SPTB: variants seen among roughly 807,000 people sequenced by gnomAD.
SPTB encodes the protein spectrin beta chain, erythrocytic.
SPTB carries 45 observed loss-of-function variants against 256.2 expected under a neutral mutation model. That is an observed-to-expected ratio of 0.18 (90% confidence interval 0.14 to 0.23). SPTB has a LOEUF of 0.23. Ranked by LOEUF, SPTB falls within the 10% of genes least tolerant of loss-of-function variation. The probability of loss-of-function intolerance (pLI) is 1.00; values close to 1 mark genes in which losing one functional copy is unlikely to be tolerated. For missense variants in SPTB, 2,715 were observed against 3,040.4 expected (o/e 0.89, Z 2.52); for synonymous variants, 1,231 against 1,243.1 (o/e 0.99, Z 0.21).
chr14:64,846,085 A>T (rs2083686880), intron 1 of SPTB, among the ~76,000 whole-genome samples: 2 of 152,226 alleles, frequency 1.3e-5, no homozygotes, highest in Admixed American at 1.3e-4. Context: ...TGTGATCAGG[A>T]TGAAAGCAGA....
In SPTB at chr14:64,795,892, C is replaced by T. The variant is rs562258153; in HGVS notation, c.1342-253G>A. ...CCACCCGCGTGGGAGATGCAGCCTG[C>T]GTGTTACTAATGGAGCCCCTTGGCA... is the stretch of plus-strand genomic sequence containing the variant. On this transcript the variant is annotated intron_variant, in intron 11 of 35. Coordinates refer to ENST00000644917, the MANE Select transcript of SPTB (RefSeq NM_001355436.2). This position sits in a 1 kb window ranked among gnomAD's most constrained non-coding sequence, Gnocchi z 6.5. Among the ~76,000 whole-genome samples the T allele has an allele frequency of 6.6e-6, 1 of 152,308 alleles. No individual in the cohort carries two copies. Among genetic ancestry groups the T allele is most frequent in the Admixed American group, 6.5e-5 (1 of 15,302 alleles).
At chr14:64,791,258 A>G (rs1177229395) in intron 15 of SPTB, among the ~76,000 whole-genome samples, 2 of 151,978 alleles carry the variant, frequency 1.3e-5, no homozygotes, top group African/African-American at 4.8e-5. Flanking sequence ...TGGGAAGGGG[A>G]CTGTGGCTGA....
Position 64,785,612 on chromosome 14 carries a change from G to T in SPTB, c.3780C>A (p.Asn1260Lys). 1 of 1,614,128 alleles carries T rather than the reference G, an allele frequency of 6.2e-7. No homozygotes were observed. Among genetic ancestry groups the T allele is most frequent in the South Asian group, 1.1e-5 (1 of 91,084 alleles). The change falls in exon 18 of 36, where the codon AAC becomes AAA. Residue 1260 changes from asparagine (N) to lysine (K), a missense_variant. Physicochemically the swap from Asn to Lys is moderately conservative, Grantham distance 94. Around this residue, in one of 4 missense-constraint regions of SPTB, gnomAD observed 2,239 missense variants for 2,384.4 expected, o/e 0.94. Transcript: ENST00000644917. This position sits in a 1 kb window ranked among gnomAD's most constrained non-coding sequence, Gnocchi z 4.4. ...QLIEDRHRKNNEKAQEASVLL... is the reference protein window; with the variant it reads ...QLIEDRHRKNKEKAQEASVLL... ...GGACAGAGGCCTCCTGGGCCTTCTC[G>T]TTGTTCTTCCTGTGCCTGGAAAGGA...
Position 64,841,807 on chromosome 14 carries a change from A to G in SPTB, c.-51-18662T>C, listed in dbSNP as rs1354585881. 6.6e-6 allele frequency among the ~76,000 whole-genome samples: 1 copy of G among 152,130 alleles called. No individual in the cohort carries two copies. Among genetic ancestry groups the G allele is most frequent in the Non-Finnish European group, 1.5e-5 (1 of 68,020 alleles). On this transcript the variant is annotated intron_variant, in intron 1 of 35. Coordinates refer to ENST00000644917, the MANE Select transcript of SPTB (RefSeq NM_001355436.2). This position sits in a 1 kb window ranked among gnomAD's most constrained non-coding sequence, Gnocchi z 4.6. ...GCACACATTTACCTATTTGCAAAAG[A>G]AGGGAAACCCCCGCGTATGGAACCA...
At chr14:64,757,039 G>A (rs1416289591) in intron 32 of SPTB, 2 of 152,312 alleles carry the variant, frequency 1.3e-5, no homozygotes, top group African/African-American at 2.4e-5. Flanking sequence ...ATCTGGGGAG[G>A]CCCTGCTTTT....
Position 64,749,285 on chromosome 14 carries a change from C to A in SPTB, c.*21G>T. ...CGGTCTCTGCGCGTCCCGACTCCGCCGCGCCCGCCAGCCCCACCTGCTACT... is the reference window on the plus strand; with the variant it reads ...CGGTCTCTGCGCGTCCCGACTCCGCAGCGCCCGCCAGCCCCACCTGCTACT... On this transcript the variant is annotated 3_prime_UTR_variant, in exon 36 of 36. Transcript: ENST00000644917. This position sits in a 1 kb window ranked among gnomAD's most constrained non-coding sequence, Gnocchi z 4.7. The A allele has an allele frequency of 6.4e-7, 1 of 1,562,070 alleles. No homozygotes were observed. Among genetic ancestry groups the A allele is most frequent in the South Asian group, 1.2e-5 (1 of 86,292 alleles).
In SPTB at chr14:64,749,691, C is replaced by T; in HGVS notation, c.6782G>A (p.Ser2261Asn). ...KKKHVFKLRLSNGSEWLFHGK... is the reference protein window; with the variant it reads ...KKKHVFKLRLNNGSEWLFHGK... Reference sequence around the variant, plus strand: ...ATGGAAGAGCCACTCGCTGCCATTACTCAGCCTAGGAGGACAAAGGGTTTC... The same window carrying T: ...ATGGAAGAGCCACTCGCTGCCATTATTCAGCCTAGGAGGACAAAGGGTTTC... Residue 2261 changes from serine to asparagine, a missense_variant, in exon 35 of 36, where the codon AGT becomes AAT. Coordinates refer to ENST00000644917, the MANE Select transcript of SPTB (RefSeq NM_001355436.2). This position sits in a 1 kb window ranked among gnomAD's most constrained non-coding sequence, Gnocchi z 4.7. 6.2e-7 allele frequency: 1 copy of T among 1,613,838 alleles called. No individual in the cohort carries two copies.
chr14:64,858,403 G>A (rs1018922475), intron 1 of SPTB, among the ~76,000 whole-genome samples: 3 of 152,184 alleles, frequency 2.0e-5, no homozygotes, highest in African/African-American at 4.8e-5. Context: ...CAGATACTAA[G>A]AAAGGCACCA....
intron 1 of SPTB, among the ~76,000 whole-genome samples, chr14:64,865,820 T>G (rs1193441832): frequency 6.6e-6 from 1 of 152,222 alleles, no homozygotes; most frequent in Non-Finnish European, 1.5e-5. Flanking sequence ...GCTTTGATTC[T>G]ACCATCTTAC....
At position 64,833,447 on chromosome 14, in the gene SPTB, A is replaced by G. The variant is rs141686399; in HGVS notation, c.-51-10302T>C. On this transcript the variant is annotated intron_variant, in intron 1 of 35. Coordinates refer to ENST00000644917, the MANE Select transcript of SPTB (RefSeq NM_001355436.2). The stretch of plus-strand genomic sequence containing the variant: ...ACACCTGTAGTCCCAGCTACTCAGG[A>G]AGGCAGAGGTGGGAGAATTACTTGA... 1.2e-3 allele frequency among the ~76,000 whole-genome samples: 183 copies of G among 152,040 alleles called. 1 individual carries two copies. Among genetic ancestry groups the G allele is most frequent in the African/African-American group, 4.2e-3 (173 of 41,460 alleles).
chr14:64,774,519 C>T lies in SPTB; in HGVS notation c.4851G>A (p.Glu1617=), dbSNP rs1309708543. The T allele has an allele frequency of 6.4e-7, 1 of 1,553,364 alleles. No individual in the cohort carries two copies. Among genetic ancestry groups the T allele is most frequent in the Non-Finnish European group, 8.7e-7 (1 of 1,148,146 alleles). The stretch of plus-strand genomic sequence containing the variant: ...GTCGCTTCAGCATCACAATGGCGCC[C>T]TCTTCATCCTAGGAGGCAGCAGACG... ...VISDEIPKDE[E]GAIVMLKRHL... Residue 1617 remains glutamate, a synonymous_variant, in exon 24 of 36, where the codon GAG becomes GAA. Coordinates refer to ENST00000644917, the MANE Select transcript of SPTB (RefSeq NM_001355436.2).
At chr14:64,846,523 G>A (rs1395256142) in intron 1 of SPTB, among the ~76,000 whole-genome samples, 1 of 152,244 alleles carries the variant, frequency 6.6e-6, no homozygotes, top group East Asian at 1.9e-4. Context: ...ATGACAGCAT[G>A]AGGCAGATAA....
At position 64,878,632 on chromosome 14, in the gene SPTB, G is replaced by T. The variant is rs187343925; in HGVS notation, c.-52+1160C>A. On this transcript the variant is annotated intron_variant, in intron 1 of 35. Coordinates refer to ENST00000644917, the MANE Select transcript of SPTB (RefSeq NM_001355436.2). Reference sequence around the variant, plus strand: ...TGCAGACTCCTCTCATTAGGGAGCCGCCTGAATCTCTTCCCTTAGAAACTA... The same window carrying T: ...TGCAGACTCCTCTCATTAGGGAGCCTCCTGAATCTCTTCCCTTAGAAACTA... Among the ~76,000 whole-genome samples the T allele has an allele frequency of 6.6e-5, 10 of 152,176 alleles. No individual in the cohort carries two copies. In the East Asian group the frequency reaches 1.9e-3, roughly 29 times the overall value.
At position 64,852,090 on chromosome 14, in the gene SPTB, C is replaced by G. The variant is rs776319865; in HGVS notation, c.-52+27702G>C. Among the ~76,000 whole-genome samples the G allele has an allele frequency of 6.6e-6, 1 of 152,116 alleles. No individual in the cohort carries two copies. Among genetic ancestry groups the G allele is most frequent in the Non-Finnish European group, 1.5e-5 (1 of 68,036 alleles). The stretch of plus-strand genomic sequence containing the variant: ...GTATTTGAAAAGTTGTAAAAACAGG[C>G]TAGGTGACAACGAGGAAAGGGAAGT... On this transcript the variant is annotated intron_variant, in intron 1 of 35. Coordinates refer to ENST00000644917, the MANE Select transcript of SPTB (RefSeq NM_001355436.2). The surrounding 1 kb of genome is among the most constrained non-coding windows in gnomAD (Gnocchi z 4.2).
chr14:64,846,350 C>A (rs536219799), intron 1 of SPTB, among the ~76,000 whole-genome samples: 1 of 152,196 alleles, frequency 6.6e-6, no homozygotes, highest in African/African-American at 2.4e-5. Context: ...ATTATATAGG[C>A]TGCATATACA....
Position 64,786,648 on chromosome 14 carries a change from A to ATAC in SPTB, c.3314_3316dup (p.Gly1105_Ile1106insSer), listed in dbSNP as rs1227068954. ...TTGGTGCCCGTCAATCTCATCCTTG[A>ATAC]TACCTGCATGCTGCTGCAGGAGCTG... On this transcript the variant is annotated inframe_insertion, in exon 16 of 36. Transcript: ENST00000644917. This position sits in a 1 kb window ranked among gnomAD's most constrained non-coding sequence, Gnocchi z 5.6. The ATAC allele has an allele frequency of 2.5e-6, 4 of 1,613,986 alleles. No individual in the cohort carries two copies. The East Asian group carries it at 8.9e-5, about 36-fold the overall frequency.
intron 1 of SPTB, among the ~76,000 whole-genome samples, chr14:64,861,446 G>A (rs754178437): frequency 4.6e-5 from 7 of 152,168 alleles, no homozygotes; most frequent in Non-Finnish European, 8.8e-5. Context: ...GGCTCGGCAA[G>A]TGTTCTCGAA....
In SPTB at chr14:64,823,905, A is replaced by G. The variant is rs889168187; in HGVS notation, c.-51-760T>C. On this transcript the variant is annotated intron_variant, in intron 1 of 35. Transcript: ENST00000644917. The surrounding 1 kb of genome is among the most constrained non-coding windows in gnomAD (Gnocchi z 6.5). ...AAGCACGTGGCAGTCGGGGCATCCC[A>G]TGGACAATGGAACCGTGCATTGTGA... 6.6e-5 allele frequency among the ~76,000 whole-genome samples: 10 copies of G among 152,216 alleles called. No homozygotes were observed. The highest frequency in any genetic ancestry group is 2.4e-4 in the African/African-American group (10 of 41,452).
intron 1 of SPTB, among the ~76,000 whole-genome samples, chr14:64,879,421 A>G (rs1399876702): frequency 1.3e-5 from 2 of 152,222 alleles, no homozygotes; most frequent in Non-Finnish European, 2.9e-5. Context: ...CTAGAGGCGC[A>G]ATCCCCTTCG....
Sources: gnomAD v4.1 joint callset for allele counts (sites outside exome capture counted in the v4.1 genomes callset) on GRCh38, gnomAD v4.1.1 for gene constraint, gnomAD v4.1.1 regional missense constraint, Gnocchi (gnomAD v3.1) non-coding constraint, MANE v1.5 for transcripts, NCBI Gene and HGNC (gene_info 2026-07-23, HGNC 2026-07-21) for gene names.